CSMD2: variants seen among roughly 807,000 people sequenced by gnomAD.
CSMD2 encodes the protein CUB and sushi domain-containing protein 2.
CSMD2 carries 130 observed loss-of-function variants against 398.5 expected under a neutral mutation model. The observed-to-expected ratio is 0.33, with a 90% CI of 0.28 to 0.38. CSMD2 has a LOEUF of 0.38. CSMD2 is among the 10% of genes least tolerant of loss of function. CSMD2 has a pLI of 1.00. For missense variants in CSMD2, 3,829 were observed against 4,764.9 expected, an observed-to-expected ratio of 0.80 and a Z score of 5.78; for synonymous variants, 1,828 against 1,908.5, an observed-to-expected ratio of 0.96 and a Z score of 1.10.
chr1:33,724,886 A>G (rs1317079770), intron 17 of CSMD2, among the ~76,000 whole-genome samples, 182 bp from the exon 18 acceptor site: 1 of 152,222 alleles, frequency 6.6e-6, no homozygotes, highest in African/African-American at 2.4e-5. Context: ...GCTAAGGCTT[A>G]GGAGTAAGAA....
At chr1:34,090,984 C>T (rs1161683724) in intron 1 of CSMD2, among the ~76,000 whole-genome samples, 1 of 152,200 alleles carries the variant, frequency 6.6e-6, no homozygotes, top group Non-Finnish European at 1.5e-5. Flanking sequence ...GCCACAGGAC[C>T]TTTGCGCGGT....
intron 1 of CSMD2, among the ~76,000 whole-genome samples, chr1:34,125,803 T>C (rs1413580879): frequency 6.6e-6 from 1 of 152,136 alleles, no homozygotes; most frequent in African/African-American, 2.4e-5. Context: ...CCCCACTGTC[T>C]TCTGGAAGGA....
chr1:34,052,412 C>G (rs1424170482), intron 2 of CSMD2, among the ~76,000 whole-genome samples: 1 of 150,390 alleles, frequency 6.6e-6, no homozygotes, highest in Non-Finnish European at 1.5e-5. Flanking sequence ...AATTACTACA[C>G]CATTTTAAAT....
At chr1:34,158,883 A>G (rs1641051849) in intron 1 of CSMD2, among the ~76,000 whole-genome samples, 1 of 152,172 alleles carries the variant, frequency 6.6e-6, no homozygotes, top group Non-Finnish European at 1.5e-5. Context: ...ATTAAATGGT[A>G]ATGTCTACAA....
rs1048558506 is a variant in CSMD2 at position 33,633,637 on chromosome 1, G to GA, written c.5087-103dup. On this transcript the variant is annotated intron_variant, in intron 31 of 70. Transcript: ENST00000373381. The surrounding 1 kb of genome is among the most constrained non-coding windows in gnomAD (Gnocchi z 5.0). ...AAGCCAGGAGGAGGGCAGCCCTGGG[G>GA]AAGTTGTTGGTTCCTGGGCTGTGGC... The GA allele has an allele frequency of 3.3e-5, 27 of 818,512 alleles. No individual in the cohort carries two copies. Among genetic ancestry groups the GA allele is most frequent in the Non-Finnish European group, 5.1e-5 (25 of 493,356 alleles). The allele number at this position is 818,512 out of a possible 1,614,324, so 50.7% of individuals were successfully genotyped here.
intron 10 of CSMD2, among the ~76,000 whole-genome samples, chr1:33,796,181 A>G (rs1409593675): frequency 6.6e-6 from 1 of 152,242 alleles, no homozygotes; most frequent in Non-Finnish European, 1.5e-5. Context: ...AGACAATCAT[A>G]GTCTTTGATC....
In CSMD2 at chr1:33,650,680, C is replaced by T. The variant is rs539081270; in HGVS notation, c.4586+1643G>A. ...ATGATAGGATTTAAAAATAAAGGAT[C>T]TATTTGTTTGTTTCTTTGTTTTTGA... On this transcript the variant is annotated intron_variant, in intron 28 of 70. Coordinates refer to ENST00000373381, the MANE Select transcript of CSMD2 (RefSeq NM_001281956.2). 7.2e-5 allele frequency among the ~76,000 whole-genome samples: 11 copies of T among 152,198 alleles called. No individual in the cohort carries two copies. In the South Asian group the frequency reaches 2.3e-3, roughly 32 times the overall value.
intron 28 of CSMD2, among the ~76,000 whole-genome samples, chr1:33,651,834 C>T (rs1399250931): frequency 2.0e-5 from 3 of 152,008 alleles, no homozygotes; most frequent in East Asian, 1.9e-4. Flanking sequence ...TGAGAGTGAA[C>T]GGGAGGTGAG....
At chr1:34,101,184 G>A (rs1483350987) in intron 1 of CSMD2, among the ~76,000 whole-genome samples, 1 of 152,300 alleles carries the variant, frequency 6.6e-6, no homozygotes, top group Admixed American at 6.5e-5. Context: ...CCCTGTAGAT[G>A]GGAATGCTGC....
chr1:34,061,078 C>T (rs34148217), intron 2 of CSMD2, among the ~76,000 whole-genome samples: 2 of 152,162 alleles, frequency 1.3e-5, no homozygotes, highest in African/African-American at 2.4e-5. Context: ...CTTGCTCCAC[C>T]CCAACCCTGC....
At chr1:34,142,541 A>G (rs1639399551) in intron 1 of CSMD2, among the ~76,000 whole-genome samples, 2 of 152,208 alleles carry the variant, frequency 1.3e-5, no homozygotes, top group South Asian at 4.1e-4. Context: ...GAGAAAACGA[A>G]GGCCTGGAAA....
At chr1:33,621,653 C>T (rs1486024395) in intron 37 of CSMD2, among the ~76,000 whole-genome samples, 2 of 152,172 alleles carry the variant, frequency 1.3e-5, no homozygotes, top group Non-Finnish European at 2.9e-5. Flanking sequence ...TTTCTTTGTT[C>T]CCCAGAAGGC....
chr1:34,003,218 A>G (rs1403702706), intron 3 of CSMD2, among the ~76,000 whole-genome samples: 1 of 152,140 alleles, frequency 6.6e-6, no homozygotes, highest in Non-Finnish European at 1.5e-5. Context: ...TTATCCCAAA[A>G]GCAGTGCTGA....
At chr1:33,864,617 T>A in intron 5 of CSMD2, 1 of 1,614,014 alleles carries the variant, frequency 6.2e-7, no homozygotes, top group Non-Finnish European at 8.5e-7. Flanking sequence ...AGCACCCTTA[T>A]GAGCAAAGAG....
At chr1:33,629,825 C>T (rs1642358452) in intron 32 of CSMD2, among the ~76,000 whole-genome samples, 1 of 151,968 alleles carries the variant, frequency 6.6e-6, no homozygotes, top group Non-Finnish European at 1.5e-5. Flanking sequence ...TTACTGCTAC[C>T]TCCACCTCCC....
chr1:33,696,990 A>T (rs1645439646), intron 24 of CSMD2, among the ~76,000 whole-genome samples: 1 of 152,204 alleles, frequency 6.6e-6, no homozygotes, highest in African/African-American at 2.4e-5. Flanking sequence ...AATCTCAAAT[A>T]CACAGCCTCA....
At chr1:33,899,112 C>A (rs1045822364) in intron 5 of CSMD2, among the ~76,000 whole-genome samples, 1 of 152,220 alleles carries the variant, frequency 6.6e-6, no homozygotes, top group Non-Finnish European at 1.5e-5. Context: ...CTAAATGACA[C>A]GGGCCATTTA....
Position 33,856,128 on chromosome 1 carries a change from G to C in CSMD2, c.921-9132C>G, listed in dbSNP as rs114642012. On this transcript the variant is annotated intron_variant, in intron 5 of 70. Transcript: ENST00000373381. The stretch of plus-strand genomic sequence containing the variant: ...CCAAGTCTGTGCCTGGCATACAGTA[G>C]GTGCCTCACAAATGTGAACTATTTT... Among the ~76,000 whole-genome samples the C allele has an allele frequency of 5.1e-3, 773 of 152,296 alleles. 9 individuals carry two copies. The highest frequency in any genetic ancestry group is 0.017 in the African/African-American group (714 of 41,552).
intron 5 of CSMD2, among the ~76,000 whole-genome samples, chr1:33,848,361 A>G (rs1323697617): frequency 6.6e-6 from 1 of 152,226 alleles, no homozygotes; most frequent in Non-Finnish European, 1.5e-5. Flanking sequence ...AAGCCCATCA[A>G]GAGGAGGCAA....
Sources: gnomAD v4.1 joint callset for allele counts (sites outside exome capture counted in the v4.1 genomes callset) on GRCh38, gnomAD v4.1.1 for gene constraint, Gnocchi (gnomAD v3.1) non-coding constraint, MANE v1.5 for transcripts, NCBI Gene and HGNC (gene_info 2026-07-23, HGNC 2026-07-21) for gene names.